Variants in BMP6 observed in about 807,000 individuals in gnomAD.
BMP6 encodes VG-1-R.
In BMP6, 17 loss-of-function variants were observed where a neutral mutation model predicts 54.1. The ratio of observed to expected loss-of-function variants is 0.31; its 90% CI spans 0.22 to 0.47. The LOEUF (loss-of-function observed/expected upper bound fraction) is 0.47, where lower values mean the gene tolerates loss of function less well. BMP6 is among the 20% of genes least tolerant of loss of function. The probability of loss-of-function intolerance (pLI) is 1.00; values close to 1 mark genes in which losing one functional copy is unlikely to be tolerated. For synonymous variants in BMP6, 328 were observed against 291.2 expected, an observed-to-expected ratio of 1.13 and a Z score of -1.28; for missense variants, 720 against 690.4, an observed-to-expected ratio of 1.04 and a Z score of -0.48.
chr6:7,787,966 C>T (rs754031183), intron 1 of BMP6, among the ~76,000 whole-genome samples: 1 of 151,586 alleles, frequency 6.6e-6, no homozygotes, highest in African/African-American at 2.4e-5. Flanking sequence ...TTTAAAGAAA[C>T]GCAAGTCATT....
intron 4 of BMP6, among the ~76,000 whole-genome samples, chr6:7,865,465 T>C (rs1759405438): frequency 6.6e-6 from 1 of 152,208 alleles, no homozygotes; most frequent in Non-Finnish European, 1.5e-5. Context: ...AAATTGCTCA[T>C]GTCTGGCCCA....
intron 1 of BMP6, among the ~76,000 whole-genome samples, chr6:7,802,151 A>G (rs1758278242): frequency 6.6e-6 from 1 of 152,218 alleles, no homozygotes. Context: ...TTAATTTGCT[A>G]CCTAACTCAG....
At position 7,778,435 on chromosome 6, in the gene BMP6, G is replaced by C. The variant is rs1419901354; in HGVS notation, c.664+50816G>C. On this transcript the variant is annotated intron_variant, in intron 1 of 6. Transcript: ENST00000283147. ...AGGTTTTAAAGAAGTTCAGTGCCTT[G>C]CCCGAAGTCACACAGCCAGCAATGG... Among the ~76,000 whole-genome samples, 7 of 151,930 alleles carry C rather than the reference G, an allele frequency of 4.6e-5. No homozygotes were observed. The East Asian group carries it at 1.4e-3, about 30-fold the overall frequency.
At chr6:7,813,162 A>C (rs1303554399) in intron 1 of BMP6, among the ~76,000 whole-genome samples, 3 of 112,618 alleles carry the variant, frequency 2.7e-5, no homozygotes, top group Non-Finnish European at 5.2e-5. Flanking sequence ...ATTAGTGGGC[A>C]TGGTAGTAGA....
At chr6:7,737,889 A>C (rs1008378545) in intron 1 of BMP6, among the ~76,000 whole-genome samples, 2 of 152,150 alleles carry the variant, frequency 1.3e-5, no homozygotes, top group African/African-American at 4.8e-5. Flanking sequence ...TTATAGAGGA[A>C]AGAGAACTGG....
At chr6:7,830,256 C>G (rs1581267034) in intron 1 of BMP6, among the ~76,000 whole-genome samples, 1 of 152,324 alleles carries the variant, frequency 6.6e-6, no homozygotes, top group African/African-American at 2.4e-5. Context: ...TCTCATCAGT[C>G]TACAACCTCT....
At chr6:7,832,030 A>T (rs1435805443) in intron 1 of BMP6, among the ~76,000 whole-genome samples, 1 of 152,198 alleles carries the variant, frequency 6.6e-6, no homozygotes, top group Admixed American at 6.5e-5. Context: ...GCAGCCCAGC[A>T]GGTTAAGGTA....
At chr6:7,781,335 C>A (rs556979382) in intron 1 of BMP6, among the ~76,000 whole-genome samples, 1 of 151,722 alleles carries the variant, frequency 6.6e-6, no homozygotes, top group African/African-American at 2.4e-5. Context: ...CTCGTTCATA[C>A]GTACCATGCC....
At chr6:7,781,337 T>TGTTGAGTTTGAGGTGTTTTTG (rs1312871102) in intron 1 of BMP6, among the ~76,000 whole-genome samples, 2 of 151,902 alleles carry the variant, frequency 1.3e-5, no homozygotes, top group Non-Finnish European at 1.5e-5. Context: ...CGTTCATACG[T>TGTTGAGTTTGAGGTGTTTTTG]ACCATGCCAC....
chr6:7,857,019 A>G (rs1048148070), intron 2 of BMP6, among the ~76,000 whole-genome samples: 2 of 152,158 alleles, frequency 1.3e-5, no homozygotes, highest in East Asian at 3.9e-4. Context: ...CCAGGAGCTC[A>G]GGCACCTCCT....
chr6:7,755,997 T>C (rs1581234242), intron 1 of BMP6, among the ~76,000 whole-genome samples: 1 of 152,250 alleles, frequency 6.6e-6, no homozygotes, highest in East Asian at 1.9e-4. Flanking sequence ...ATCATGTGCC[T>C]TGGTGTTGTT....
rs541538135 is a variant in BMP6, at chr6:7,775,549, A to G, written c.664+47930A>G. Among the ~76,000 whole-genome samples the G allele has an allele frequency of 1.3e-5, 2 of 152,336 alleles. 1 individual carries two copies. Among genetic ancestry groups the G allele is most frequent in the East Asian group, 3.9e-4 (2 of 5,188 alleles). On this transcript the variant is annotated intron_variant, in intron 1 of 6. Transcript: ENST00000283147. ...TTGTAATGTAAGAATAATGTTTGTA[A>G]TTATCTCCTAGTGATTAAAATAGGA...
rs1418590106 is a variant in BMP6, at chr6:7,813,656, A to C, written c.665-31484A>C. ...TGACCCTGTCTCAAAAAAAAAAAAA[A>C]AAAAAAAAAAAAACCCACCAAACCC... On this transcript the variant is annotated intron_variant, in intron 1 of 6. Transcript: ENST00000283147. Among the ~76,000 whole-genome samples, 13 of 143,934 alleles carry C rather than the reference A, an allele frequency of 9.0e-5. 1 individual carries two copies. Among genetic ancestry groups the C allele is most frequent in the African/African-American group, 2.8e-4 (11 of 39,006 alleles). 94.4% of individuals were successfully genotyped at this position (143,934 alleles called of 152,430 possible). A position where few individuals can be genotyped will look rare whatever the true frequency, so the allele number is the denominator to read the frequency against.
intron 1 of BMP6, among the ~76,000 whole-genome samples, chr6:7,833,030 T>C (rs1287094639): frequency 6.6e-6 from 1 of 151,966 alleles, no homozygotes; most frequent in Non-Finnish European, 1.5e-5. Flanking sequence ...TGGTACTAGC[T>C]GCAGTGTGGA....
chr6:7,860,118 A>G (rs970848602), intron 2 of BMP6, among the ~76,000 whole-genome samples: 1 of 152,180 alleles, frequency 6.6e-6, no homozygotes, highest in African/African-American at 2.4e-5. Context: ...CTAGCTTGAG[A>G]TCTTGACCAC....
intron 1 of BMP6, among the ~76,000 whole-genome samples, chr6:7,792,715 G>A (rs1427098534): frequency 2.6e-5 from 4 of 152,200 alleles, no homozygotes; most frequent in African/African-American, 9.7e-5. Flanking sequence ...AACAGAGGAT[G>A]CTTGATGGCA....
intron 1 of BMP6, among the ~76,000 whole-genome samples, chr6:7,833,087 C>A (rs1758816237): frequency 6.6e-6 from 1 of 151,898 alleles, no homozygotes; most frequent in Non-Finnish European, 1.5e-5. Context: ...GGGACTGAGG[C>A]TCTGCATGAG....
chr6:7,802,943 G>A (rs1044536669), intron 1 of BMP6, among the ~76,000 whole-genome samples: 4 of 152,210 alleles, frequency 2.6e-5, no homozygotes, highest in African/African-American at 9.6e-5. Context: ...CTCCCTGCAG[G>A]TGCTGTGGGA....
chr6:7,811,514 G>A (rs558299154), intron 1 of BMP6, among the ~76,000 whole-genome samples: 14 of 152,266 alleles, frequency 9.2e-5, no homozygotes, highest in South Asian at 6.2e-4. Flanking sequence ...GTATGTTCCC[G>A]GAGAAAAGCA....
Sources: gnomAD v4.1 joint callset for allele counts (sites outside exome capture counted in the v4.1 genomes callset) on GRCh38, gnomAD v4.1.1 for gene constraint, MANE v1.5 for transcripts, NCBI Gene and HGNC (gene_info 2026-07-23, HGNC 2026-07-21) for gene names.